The following TSGA10 variants were observed in gnomAD, a reference collection of about 807,000 sequenced individuals.
TSGA10 encodes the protein testis-specific gene 10 protein.
In TSGA10, 43 loss-of-function variants were observed where a neutral mutation model predicts 96.6. That is an observed-to-expected ratio of 0.44 (90% CI 0.35 to 0.57). TSGA10 has a LOEUF of 0.57. TSGA10 is among the 20% of genes least tolerant of loss of function. TSGA10 has a pLI of 0.01. For missense variants in TSGA10, 703 were observed against 834.4 expected, an observed-to-expected ratio of 0.84 and a Z score of 1.94; for synonymous variants, 229 against 269.9, an observed-to-expected ratio of 0.85 and a Z score of 1.48.
At chr2:99,104,538 G>A (rs1015405419) in intron 9 of TSGA10, among the ~76,000 whole-genome samples, 4 of 151,492 alleles carry the variant, frequency 2.6e-5, no homozygotes, top group Admixed American at 6.6e-5. Flanking sequence ...GCAGTGGCGC[G>A]ATCTCGGCTC....
rs762258795 is a variant in TSGA10, at chr2:99,018,245, G to A, written c.2027C>T (p.Ala676Val). 4.3e-6 allele frequency: 7 copies of A among 1,613,894 alleles called. No homozygotes were observed. The Admixed American group carries it at 5.0e-5, about 12-fold the overall frequency. The change falls in exon 20 of 21, where the codon GCT becomes GTT. Residue 676 changes from alanine to valine, a missense_variant. By Grantham distance (64) the Ala-to-Val change is moderately conservative. This residue lies in a region of TSGA10 where 69 missense variants were observed against 81.3 expected (regional missense o/e 0.85). Coordinates refer to ENST00000393483, the MANE Select transcript of TSGA10 (RefSeq NM_025244.4). ...GCCTCGGTCAGGAGATCGATGGTGA[G>A]CACGTTCTGGTGAATGACATTTTGT... is the stretch of plus-strand genomic sequence containing the variant. The part of the protein sequence containing the change: ...PNTKCHSPER[A>V]HHRSPDRGLD...
In TSGA10 at chr2:99,147,589, G is replaced by A; in HGVS notation, c.-621+7104C>T. ...TTAATGTGCAAATTGATAATTATAT[G>A]TTACCATTCTTTTACGTTTGTTGAT... On this transcript the variant is annotated intron_variant, in intron 1 of 20. Coordinates refer to ENST00000393483, the MANE Select transcript of TSGA10 (RefSeq NM_025244.4). 7.7e-6 allele frequency: 8 copies of A among 1,035,094 alleles called. No individual in the cohort carries two copies. The South Asian group carries it at 1.1e-4, about 14-fold the overall frequency. 64.1% of individuals were successfully genotyped at this position (1,035,094 alleles called of 1,614,324 possible).
At chr2:99,112,030 T>C (rs950131648) in intron 4 of TSGA10, among the ~76,000 whole-genome samples, 1 of 152,178 alleles carries the variant, frequency 6.6e-6, no homozygotes, top group Non-Finnish European at 1.5e-5. Flanking sequence ...CTTTTCTATA[T>C]GGACTAAAAT....
At chr2:99,047,723 C>A (rs763124934) in intron 16 of TSGA10, among the ~76,000 whole-genome samples, 1 of 152,062 alleles carries the variant, frequency 6.6e-6, no homozygotes, top group South Asian at 2.1e-4. Context: ...CTGGCCAGGG[C>A]AATCAGGCAG....
intron 4 of TSGA10, among the ~76,000 whole-genome samples, chr2:99,111,554 CCTA>C (rs2091819537): frequency 6.6e-6 from 1 of 152,100 alleles, no homozygotes; most frequent in Non-Finnish European, 1.5e-5. Context: ...CCTGATCTTG[CCTA>C]CTACATTTTT....
At position 99,119,313 on chromosome 2, in the gene TSGA10, G is replaced by T. The variant is rs2104928755; in HGVS notation, c.-491-627C>A. 2.0e-5 allele frequency among the ~76,000 whole-genome samples: 3 copies of T among 151,176 alleles called. No individual in the cohort carries two copies. The Middle Eastern group carries it at 0.01, about 518-fold the overall frequency. On this transcript the variant is annotated intron_variant, in intron 2 of 20. Coordinates refer to ENST00000393483, the MANE Select transcript of TSGA10 (RefSeq NM_025244.4). ...GTGTCTCCTACTCTCTTCTCTTTTG[G>T]CCTTCTCCCATCTGCTCTCAAAAAT...
intron 15 of TSGA10, among the ~76,000 whole-genome samples, chr2:99,066,666 A>G (rs945672589): frequency 6.6e-6 from 1 of 152,170 alleles, no homozygotes; most frequent in African/African-American, 2.4e-5. Flanking sequence ...CTTGGCAAGC[A>G]GAAAGCATAT....
chr2:99,027,061 A>G (rs1000744604), intron 17 of TSGA10, among the ~76,000 whole-genome samples: 3 of 152,192 alleles, frequency 2.0e-5, no homozygotes, highest in Admixed American at 2.0e-4. Context: ...ATCTAATGCC[A>G]CTGCTGATCT....
chr2:99,073,161 C>T (rs980106029), intron 12 of TSGA10, 88 bp from the exon 13 acceptor site: 26 of 859,114 alleles, frequency 3.0e-5, no homozygotes, highest in African/African-American at 6.9e-5. Flanking sequence ...ATTTCCCTTT[C>T]CCTTTAGGTT....
chr2:99,031,241 AG>A (rs1337122553), intron 17 of TSGA10, among the ~76,000 whole-genome samples: 1 of 142,414 alleles, frequency 7.0e-6, no homozygotes, highest in Non-Finnish European at 1.5e-5. Flanking sequence ...GCAGAAAGAT[AG>A]CTTTTTAAAC....
chr2:99,144,282 A>G lies in TSGA10; in HGVS notation c.-621+10411T>C, dbSNP rs543457947. Among the ~76,000 whole-genome samples the G allele has an allele frequency of 2.0e-5, 3 of 151,986 alleles. No homozygotes were observed. The South Asian group carries it at 6.2e-4, about 32-fold the overall frequency. ...ATGACCTGCCCGCCTCGGCCTCCCA[A>G]AGTGCTGGGATTACAGGCATGAGCC... On this transcript the variant is annotated intron_variant, in intron 1 of 20. Coordinates refer to ENST00000393483, the MANE Select transcript of TSGA10 (RefSeq NM_025244.4).
chr2:99,057,990 A>G (rs1271883462), intron 16 of TSGA10, among the ~76,000 whole-genome samples: 1 of 152,118 alleles, frequency 6.6e-6, no homozygotes, highest in Non-Finnish European at 1.5e-5. Context: ...GACCATTCAA[A>G]TGGTGGGGGG....
intron 16 of TSGA10, among the ~76,000 whole-genome samples, chr2:99,048,161 G>A (rs940511520): frequency 6.6e-6 from 1 of 152,080 alleles, no homozygotes; most frequent in African/African-American, 2.4e-5. Context: ...GGGATTTATA[G>A]ATTCAATGCT....
intron 17 of TSGA10, among the ~76,000 whole-genome samples, chr2:99,030,821 G>A (rs1344303089): frequency 6.6e-6 from 1 of 152,094 alleles, no homozygotes; most frequent in Non-Finnish European, 1.5e-5. Flanking sequence ...CTTGCATGCT[G>A]AAAACTACAC....
At chr2:99,009,929 T>G (rs1476358885) in intron 20 of TSGA10, among the ~76,000 whole-genome samples, 2 of 152,184 alleles carry the variant, frequency 1.3e-5, no homozygotes, top group East Asian at 1.9e-4. Context: ...TGGGGTAAAA[T>G]TTTTTAAATA....
intron 10 of TSGA10, among the ~76,000 whole-genome samples, chr2:99,099,241 G>A (rs938029315): frequency 6.6e-5 from 10 of 152,238 alleles, no homozygotes; most frequent in Non-Finnish European, 1.3e-4. Context: ...GATCCTGGGA[G>A]GCGGAGGTTG....
chr2:99,096,690 T>C (rs1337771549), intron 10 of TSGA10, among the ~76,000 whole-genome samples: 2 of 152,194 alleles, frequency 1.3e-5, no homozygotes, highest in Non-Finnish European at 2.9e-5. Flanking sequence ...AAATGTCACA[T>C]GTTCATCACT....
chr2:99,109,238 T>C (rs907455178), intron 6 of TSGA10, 151 bp downstream of exon 6: 5 of 810,458 alleles, frequency 6.2e-6, no homozygotes, highest in East Asian at 2.6e-5. Flanking sequence ...TAGTCTACTG[T>C]GCCATCAAAG....
chr2:99,018,388 C>G (rs771006469), intron 19 of TSGA10, 39 bp from the exon 20 acceptor site: 2 of 1,602,464 alleles, frequency 1.2e-6, no homozygotes, highest in Non-Finnish European at 8.5e-7. Context: ...TTATATCCAG[C>G]AAAATTATTA....
Sources: gnomAD v4.1 joint callset for allele counts (sites outside exome capture counted in the v4.1 genomes callset) on GRCh38, gnomAD v4.1.1 for gene constraint, gnomAD v4.1.1 regional missense constraint, MANE v1.5 for transcripts, NCBI Gene and HGNC (gene_info 2026-07-23, HGNC 2026-07-21) for gene names.